Variants in CNTNAP2 observed in about 807,000 individuals in gnomAD.
CNTNAP2 encodes contactin associated protein 2, also known as contactin-associated protein-like 2.
In CNTNAP2, 98 loss-of-function variants were observed where a neutral mutation model predicts 155.2. The ratio of observed to expected loss-of-function variants is 0.63; its 90% CI spans 0.54 to 0.75. The LOEUF (loss-of-function observed/expected upper bound fraction) is 0.75. CNTNAP2 is among the 30% of genes least tolerant of loss of function. The pLI, the probability that CNTNAP2 is intolerant of heterozygous loss-of-function variation, is 0.00. For missense variants in CNTNAP2, 1,727 were observed against 1,688.1 expected, an observed-to-expected ratio of 1.02 and a Z score of -0.40; for synonymous variants, 651 against 631.2, an observed-to-expected ratio of 1.03 and a Z score of -0.47.
intron 1 of CNTNAP2, among the ~76,000 whole-genome samples, chr7:146,316,897 A>T (rs1800916585): frequency 6.6e-6 from 1 of 151,978 alleles, no homozygotes; most frequent in Non-Finnish European, 1.5e-5. Context: ...TCGTCAGAGG[A>T]GGGACACTGA....
At chr7:147,771,374 G>A (rs1370275072) in intron 13 of CNTNAP2, among the ~76,000 whole-genome samples, 1 of 152,188 alleles carries the variant, frequency 6.6e-6, no homozygotes, top group East Asian at 1.9e-4. Flanking sequence ...ATAAAGTAGA[G>A]AGGAAAGCTA....
At chr7:146,169,054 C>T (rs969704026) in intron 1 of CNTNAP2, among the ~76,000 whole-genome samples, 3 of 152,188 alleles carry the variant, frequency 2.0e-5, no homozygotes, top group Admixed American at 2.0e-4. Flanking sequence ...GTTTCATCTT[C>T]CAAATATCCT....
intron 10 of CNTNAP2, among the ~76,000 whole-genome samples, chr7:147,470,567 T>A (rs1465459701): frequency 6.6e-6 from 1 of 152,060 alleles, no homozygotes; most frequent in African/African-American, 2.4e-5. Context: ...AGATGGTAGC[T>A]ATGATAGTGT....
At chr7:146,358,778 G>T (rs2129100361) in intron 1 of CNTNAP2, among the ~76,000 whole-genome samples, 1 of 152,296 alleles carries the variant, frequency 6.6e-6, no homozygotes, top group South Asian at 2.1e-4. Flanking sequence ...AATAAACTGA[G>T]CTTGATATGA....
chr7:146,403,498 G>C (rs551830922), intron 1 of CNTNAP2, among the ~76,000 whole-genome samples: 2 of 151,962 alleles, frequency 1.3e-5, no homozygotes, highest in African/African-American at 4.8e-5. Flanking sequence ...ATGTGAATTC[G>C]CCATTTTTAT....
chr7:147,697,743 C>T (rs1796184275), intron 13 of CNTNAP2, among the ~76,000 whole-genome samples: 1 of 152,138 alleles, frequency 6.6e-6, no homozygotes, highest in Non-Finnish European at 1.5e-5. Context: ...CTGATACAAC[C>T]TCAGAAGATT....
chr7:147,709,559 G>A (rs1239230543), intron 13 of CNTNAP2, among the ~76,000 whole-genome samples: 3 of 152,086 alleles, frequency 2.0e-5, no homozygotes, highest in Non-Finnish European at 2.9e-5. Flanking sequence ...ACTTAGATTG[G>A]GTTTATTCTA....
intron 13 of CNTNAP2, among the ~76,000 whole-genome samples, chr7:147,737,682 G>T (rs967314909): frequency 6.6e-6 from 1 of 152,150 alleles, no homozygotes; most frequent in African/African-American, 2.4e-5. Context: ...TGAGTTTCCC[G>T]GCCACTTTGT....
Position 148,196,473 on chromosome 7 carries a change from A to G in CNTNAP2, c.3011-20815A>G, listed in dbSNP as rs1192302038. Among the ~76,000 whole-genome samples, 5 of 152,152 alleles carry G rather than the reference A, an allele frequency of 3.3e-5. No individual in the cohort carries two copies. In the East Asian group the frequency reaches 9.6e-4, roughly 29 times the overall value. On this transcript the variant is annotated intron_variant, in intron 18 of 23. Transcript: ENST00000361727. ...GTGAGCAGAGGAGTTTGCAGCACAC[A>G]GTAGAGGAAGCTGGTAGGCACAGAA...
intron 12 of CNTNAP2, among the ~76,000 whole-genome samples, chr7:147,633,888 A>G (rs1795131852): frequency 6.6e-6 from 1 of 152,210 alleles, no homozygotes; most frequent in Non-Finnish European, 1.5e-5. Flanking sequence ...TATTCATAGC[A>G]ACATGAGCAT....
At chr7:146,813,162 T>A (rs919235351) in intron 2 of CNTNAP2, among the ~76,000 whole-genome samples, 5 of 152,264 alleles carry the variant, frequency 3.3e-5, no homozygotes, top group Middle Eastern at 3.4e-3. Context: ...GAGTCCCCAC[T>A]GGGGCACTGC....
At chr7:148,264,011 G>C (rs1192246024) in intron 20 of CNTNAP2, among the ~76,000 whole-genome samples, 2 of 152,138 alleles carry the variant, frequency 1.3e-5, no homozygotes, top group Admixed American at 6.5e-5. Flanking sequence ...TCCCTTCGGT[G>C]CTCGCGACTT....
In CNTNAP2 at chr7:147,775,419, AT is replaced by A. The variant is rs1388044684; in HGVS notation, c.2099-128145del. 1.2e-3 allele frequency among the ~76,000 whole-genome samples: 142 copies of A among 120,916 alleles called. 18 individuals carry two copies. Among genetic ancestry groups the A allele is most frequent in the Admixed American group, 0.01 (98 of 9,370 alleles). 79.3% of individuals were successfully genotyped at this position (120,916 alleles called of 152,430 possible). On this transcript the variant is annotated intron_variant, in intron 13 of 23. Transcript: ENST00000361727. ...TATATATATTTATATATATATTTAT[AT>A]ATATATATCTGAAGAAATTCTGAAC...
intron 1 of CNTNAP2, among the ~76,000 whole-genome samples, chr7:146,342,654 A>T (rs1007503247): frequency 2.0e-5 from 3 of 152,200 alleles, no homozygotes; most frequent in Non-Finnish European, 2.9e-5. Flanking sequence ...GTTACACAGA[A>T]TAAGGTGTAT....
At chr7:148,071,614 C>T (rs12176614) in intron 15 of CNTNAP2, among the ~76,000 whole-genome samples, 5,598 of 152,262 alleles carry the variant, frequency 0.037, 334 homozygotes, top group East Asian at 0.28. Flanking sequence ...AATTCCTAGA[C>T]AGACAGCTTC....
At chr7:147,112,474 T>C (rs187447882) in intron 5 of CNTNAP2, among the ~76,000 whole-genome samples, 5 of 152,324 alleles carry the variant, frequency 3.3e-5, no homozygotes, top group Admixed American at 3.3e-4. Flanking sequence ...GCTTCCAGCT[T>C]TTCCCCATTC....
chr7:146,932,472 C>T (rs1210912532), intron 3 of CNTNAP2, among the ~76,000 whole-genome samples: 20 of 152,012 alleles, frequency 1.3e-4, no homozygotes, highest in African/African-American at 4.1e-4. Context: ...AAACCCACAG[C>T]CAATATCATA....
At chr7:147,549,472 G>A (rs1477948201) in intron 11 of CNTNAP2, among the ~76,000 whole-genome samples, 1 of 152,120 alleles carries the variant, frequency 6.6e-6, no homozygotes, top group African/African-American at 2.4e-5. Flanking sequence ...TTTTGCTGAA[G>A]TTGCTTATCA....
At chr7:147,401,636 A>G (rs1402683132) in intron 10 of CNTNAP2, among the ~76,000 whole-genome samples, 1 of 152,168 alleles carries the variant, frequency 6.6e-6, no homozygotes, top group African/African-American at 2.4e-5. Flanking sequence ...TGTAATCACC[A>G]TGTATCAGGG....
Sources: allele counts gnomAD v4.1 joint callset (sites outside exome capture counted in the v4.1 genomes callset), GRCh38; gene constraint gnomAD v4.1.1; transcripts MANE v1.5; gene names NCBI Gene and HGNC (gene_info 2026-07-23, HGNC 2026-07-21).